The following IRAG2 variants were observed in gnomAD, a reference collection of about 807,000 sequenced individuals.
IRAG2 encodes the protein lymphoid restricted membrane protein.
A neutral mutation model predicts 69.9 loss-of-function variants in IRAG2; 45 were observed. The observed-to-expected ratio is 0.64, with a 90% CI of 0.51 to 0.83. IRAG2 has a LOEUF of 0.83. Ranked by LOEUF, IRAG2 falls within the 40% of genes least tolerant of loss-of-function variation. The pLI is 0.00. For missense variants in IRAG2, 520 were observed against 587.0 expected, an observed-to-expected ratio of 0.89 and a Z score of 1.18; for synonymous variants, 193 against 202.4, an observed-to-expected ratio of 0.95 and a Z score of 0.40.
upstream of IRAG2, among the ~76,000 whole-genome samples, chr12:25,001,931 C>G (rs1202266548): frequency 6.6e-6 from 1 of 151,902 alleles, no homozygotes; most frequent in Non-Finnish European, 1.5e-5. Flanking sequence ...CAACCATGCC[C>G]TGCTAATTTT....
exon 7 of IRAG2, chr12:25,020,898 C>A: frequency 8.2e-7 from 1 of 1,226,662 alleles, no homozygotes; most frequent in Admixed American, 4.2e-5. Flanking sequence ...TAGCCCAGAG[C>A]AAACAATTAG....
At chr12:25,014,076 C>T (rs1334541945) in intron 3 of IRAG2, among the ~76,000 whole-genome samples, 13 of 151,426 alleles carry the variant, frequency 8.6e-5, no homozygotes, top group Non-Finnish European at 1.5e-4. Flanking sequence ...GGGGTTTCAC[C>T]GTGTTAGCCA....
chr12:25,079,637 T>C lies in IRAG2; in HGVS notation c.137-19T>C. ...ATTATGTGCATAGTATTCGCACCAT[T>C]TGTTTCTCCTGTTGACAGATCCTGG... On this transcript the variant is annotated intron_variant, in intron 8 of 21. Transcript: ENST00000556887. The C allele has an allele frequency of 6.7e-7, 1 of 1,493,532 alleles. No homozygotes were observed. Among genetic ancestry groups the C allele is most frequent in the Non-Finnish European group, 9.3e-7 (1 of 1,070,200 alleles). The allele number at this position is 1,493,532 out of a possible 1,614,324, so 92.5% of individuals were successfully genotyped here. A position where few individuals can be genotyped will look rare whatever the true frequency, so the allele number is the denominator to read the frequency against.
At chr12:24,999,818 TAAA>T (rs11403723), upstream of IRAG2, among the ~76,000 whole-genome samples, 5 of 141,986 alleles carry the variant, frequency 3.5e-5, no homozygotes, top group Non-Finnish European at 6.1e-5. Flanking sequence ...CAGATTTAGC[TAAA>T]AAAAAAAAAA....
chr12:25,020,642 A>C (rs1457612792), intron 6 of IRAG2: 2 of 395,370 alleles, frequency 5.1e-6, no homozygotes, highest in Non-Finnish European at 8.9e-6. Context: ...GGACTGAAAG[A>C]TCATGGGTAT....
intron 15 of IRAG2, among the ~76,000 whole-genome samples, chr12:25,037,115 G>GTAGCTATTCCCAGCTT (rs1944708393): frequency 6.6e-6 from 1 of 152,116 alleles, no homozygotes; most frequent in Non-Finnish European, 1.5e-5. Flanking sequence ...AACTTCTTAG[G>GTAGCTATTCCCAGCTT]TAGCTATTCC....
In IRAG2 at chr12:25,078,153, TTTC is replaced by T. The variant is rs1490713913; in HGVS notation, c.25-1088_25-1086del. Among the ~76,000 whole-genome samples the T allele has an allele frequency of 2.0e-5, 3 of 152,130 alleles. No individual in the cohort carries two copies. In the East Asian group the frequency reaches 5.8e-4, roughly 29 times the overall value. ...TTCATTACCTGTAATAAGTAAATCTTTTCTTGCTAAAATCTGCTAAGGTTGTTG... is the reference window on the plus strand; with the variant it reads ...TTCATTACCTGTAATAAGTAAATCTTTTGCTAAAATCTGCTAAGGTTGTTG... On this transcript the variant is annotated intron_variant, in intron 6 of 21. Transcript: ENST00000556887.
chr12:25,033,607 C>G (rs1591932515), intron 12 of IRAG2, among the ~76,000 whole-genome samples: 1 of 152,314 alleles, frequency 6.6e-6, no homozygotes, highest in Middle Eastern at 3.4e-3. Context: ...TGATTTTTAA[C>G]TGTTGGTACC....
chr12:25,015,088 G>GAAAAAACAAAAAA (rs1944511181), intron 3 of IRAG2: 1 of 50,218 alleles, frequency 2.0e-5, no homozygotes, highest in Non-Finnish European at 3.3e-5. Flanking sequence ...GCATAAATCT[G>GAAAAAACAAAAAA]AAAAAAAAAA....
At chr12:25,004,486 C>T in exon 1 of IRAG2, 1 of 1,232,014 alleles carries the variant, frequency 8.1e-7, no homozygotes, top group Non-Finnish European at 1.0e-6. Context: ...TTTTGATAGC[C>T]CACAGACGAA....
intron 16 of IRAG2, among the ~76,000 whole-genome samples, chr12:25,044,476 G>A (rs1045980578): frequency 7.2e-6 from 1 of 138,350 alleles, no homozygotes; most frequent in African/African-American, 2.6e-5. Flanking sequence ...GACATAGAGG[G>A]CTGAACATAT....
intron 9 of IRAG2, 112 bp downstream of exon 9, chr12:25,079,875 G>C (rs114693601): frequency 3.1e-6 from 2 of 636,928 alleles, no homozygotes; most frequent in Non-Finnish European, 5.3e-6. Context: ...AATTTTTTTT[G>C]TAAAATAATT....
chr12:25,052,159 AG>A (rs1232218527), upstream of IRAG2: 1 of 391,738 alleles, frequency 2.6e-6, no homozygotes, highest in African/African-American at 2.1e-5. Context: ...ATAATTTCAC[AG>A]GGTGACTCTT....
At chr12:25,064,855 C>T (rs761095367) in intron 4 of IRAG2, among the ~76,000 whole-genome samples, 9 of 152,064 alleles carry the variant, frequency 5.9e-5, no homozygotes, top group Non-Finnish European at 1.2e-4. Context: ...TTTGGGAGGC[C>T]GAGGTGGGCG....
rs1565589305 is a variant in IRAG2 at position 25,101,048 on chromosome 12, T to TA, written c.742-130_742-129insA. On this transcript the variant is annotated intron_variant, in intron 15 of 21. Transcript: ENST00000556887. The stretch of plus-strand genomic sequence containing the variant: ...TTTGCCCCTGTAGATGCATGTCTTT[T>TA]TAAAAAAAAAACATTTATTGCCACT... 4,062 of 667,562 alleles carry TA rather than the reference T, an allele frequency of 6.1e-3. 4 individuals are homozygous for TA. The highest frequency in any genetic ancestry group is 0.013 in the African/African-American group (688 of 53,584). The allele number at this position is 667,562 out of a possible 1,614,324, so 41.4% of individuals were successfully genotyped here.
At chr12:25,021,205 A>G (rs2139835415) in intron 7 of IRAG2, among the ~76,000 whole-genome samples, 1 of 151,556 alleles carries the variant, frequency 6.6e-6, no homozygotes, top group Non-Finnish European at 1.5e-5. Context: ...CCCAGGCTCA[A>G]GCGATCCTCT....
In IRAG2 at chr12:25,104,396, C is replaced by T. The variant is rs1948921396; in HGVS notation, c.1082C>T (p.Pro361Leu). The T allele has an allele frequency of 1.2e-6, 2 of 1,613,014 alleles. No individual in the cohort carries two copies. The highest frequency in any genetic ancestry group is 1.7e-6 in the Non-Finnish European group (2 of 1,179,292). Residue 361 changes from proline to leucine, a missense_variant, in exon 20 of 22, where the codon CCC becomes CTC. Coordinates refer to ENST00000556887, the MANE Select transcript of IRAG2 (RefSeq NM_001366544.2). Reference protein sequence around the residue: ...ILGSKQSEHRPSLPRFISTYS... With the variant: ...ILGSKQSEHRLSLPRFISTYS... Reference sequence around the variant, plus strand: ...GGGTCAAAGCAGAGTGAACACCGTCCCTCATTACCTCGATTTATTAGCACC... The same window carrying T: ...GGGTCAAAGCAGAGTGAACACCGTCTCTCATTACCTCGATTTATTAGCACC...
intron 14 of IRAG2, chr12:25,035,800 A>C: frequency 2.5e-6 from 1 of 399,010 alleles, no homozygotes; most frequent in Non-Finnish European, 4.4e-6. Context: ...ATCGTATAAC[A>C]TACCTTTATC....
intron 14 of IRAG2, chr12:25,036,483 A>G (rs1042916876): frequency 3.5e-5 from 14 of 396,224 alleles, no homozygotes; most frequent in Non-Finnish European, 8.9e-6. Context: ...GTATTCTGGT[A>G]TTTTCCTGAG....
Sources: gnomAD v4.1 joint callset for allele counts (sites outside exome capture counted in the v4.1 genomes callset) on GRCh38, gnomAD v4.1.1 for gene constraint, MANE v1.5 for transcripts, NCBI Gene and HGNC (gene_info 2026-07-23, HGNC 2026-07-21) for gene names.